SLC35F4: variants seen among roughly 807,000 people sequenced by gnomAD.
The protein encoded by SLC35F4 is solute carrier family 35 member F4, also known as chromosome 14 open reading frame 36.
In SLC35F4, 24 loss-of-function variants were observed where a neutral mutation model predicts 44.2. The observed-to-expected ratio is 0.54, with a 90% CI of 0.39 to 0.76. The LOEUF is 0.76. Among genes scored for constraint, SLC35F4 ranks in the 30% least tolerant of loss-of-function variants. The pLI is 0.00. For synonymous variants in SLC35F4, 238 were observed against 223.6 expected (o/e 1.06, Z -0.57); for missense variants, 562 against 586.1 (o/e 0.96, Z 0.42).
intron 1 of SLC35F4, among the ~76,000 whole-genome samples, chr14:57,755,192 C>G (rs2076968091): frequency 1.3e-5 from 2 of 152,300 alleles, no homozygotes; most frequent in South Asian, 4.1e-4. Context: ...GGACCCACCA[C>G]AGGGCTCGCT....
chr14:57,934,620 T>C (rs753227617), intron 1 of SLC35F4, among the ~76,000 whole-genome samples: 8 of 152,012 alleles, frequency 5.3e-5, no homozygotes, highest in Non-Finnish European at 1.0e-4. Flanking sequence ...AAAGGCTGCA[T>C]AGAGTCAGGC....
chr14:57,821,871 A>G (rs1387197552), intron 1 of SLC35F4, among the ~76,000 whole-genome samples: 1 of 152,224 alleles, frequency 6.6e-6, no homozygotes, highest in East Asian at 1.9e-4. Context: ...CAGGAAATCC[A>G]GAACAGTTGG....
intron 1 of SLC35F4, among the ~76,000 whole-genome samples, chr14:57,602,731 C>G (rs958634134): frequency 3.9e-5 from 6 of 152,132 alleles, no homozygotes; most frequent in African/African-American, 1.4e-4. Context: ...TTATACTTGT[C>G]AAGCACCTGT....
intron 1 of SLC35F4, among the ~76,000 whole-genome samples, chr14:57,897,809 C>A (rs1044801191): frequency 4.6e-5 from 7 of 152,142 alleles, no homozygotes. Context: ...ATGTAGCCCC[C>A]ACAAATGGTA....
intron 1 of SLC35F4, among the ~76,000 whole-genome samples, chr14:57,915,005 G>A (rs905544417): frequency 1.3e-5 from 2 of 152,148 alleles, no homozygotes; most frequent in Admixed American, 6.5e-5. Context: ...AAACCCAAGT[G>A]GAGGAAACCA....
intron 1 of SLC35F4, among the ~76,000 whole-genome samples, chr14:57,753,569 G>A (rs1019948604): frequency 2.0e-5 from 3 of 152,102 alleles, no homozygotes; most frequent in Non-Finnish European, 2.9e-5. Context: ...TAGACCAGAC[G>A]CAGGTGTTCC....
chr14:57,566,760 C>T (rs2068228275), intron 6 of SLC35F4, among the ~76,000 whole-genome samples, 196 bp from the exon 7 acceptor site: 1 of 152,212 alleles, frequency 6.6e-6, no homozygotes, highest in African/African-American at 2.4e-5. Flanking sequence ...GTCTGCCACT[C>T]TCTTTACCTG....
chr14:57,611,898 G>A (rs2071531741), intron 1 of SLC35F4, among the ~76,000 whole-genome samples: 1 of 152,314 alleles, frequency 6.6e-6, no homozygotes, highest in Non-Finnish European at 1.5e-5. Flanking sequence ...ACTGGACAAA[G>A]CATATGAGGC....
intron 1 of SLC35F4, among the ~76,000 whole-genome samples, chr14:57,971,714 G>A (rs73306413): frequency 0.098 from 14,879 of 152,170 alleles, 938 homozygotes; most frequent in African/African-American, 0.18. Flanking sequence ...AGCAGGAGTC[G>A]AATGGTGGTT....
At chr14:57,752,470 C>CTT (rs549841375) in intron 1 of SLC35F4, among the ~76,000 whole-genome samples, 35 of 145,642 alleles carry the variant, frequency 2.4e-4, no homozygotes, top group Non-Finnish European at 3.9e-4. Context: ...TCTTTTTTTT[C>CTT]TTTTTTTTTG....
chr14:57,733,268 G>C (rs575474905), intron 1 of SLC35F4, among the ~76,000 whole-genome samples: 1 of 150,242 alleles, frequency 6.7e-6, no homozygotes, highest in African/African-American at 2.5e-5. Context: ...ACAGAAATTC[G>C]ACTATGGATT....
At chr14:57,785,269 A>C (rs1157706996) in intron 1 of SLC35F4, among the ~76,000 whole-genome samples, 1 of 152,218 alleles carries the variant, frequency 6.6e-6, no homozygotes, top group Non-Finnish European at 1.5e-5. Context: ...CCCAGATGGC[A>C]GCTATGGTAT....
intron 1 of SLC35F4, among the ~76,000 whole-genome samples, chr14:57,730,017 C>T (rs1038685673): frequency 2.0e-5 from 3 of 152,192 alleles, no homozygotes; most frequent in African/African-American, 7.2e-5. Context: ...TAAAGTTCCC[C>T]AGTTCCTGTG....
At chr14:57,838,055 T>C (rs554214893) in intron 1 of SLC35F4, among the ~76,000 whole-genome samples, 2 of 152,196 alleles carry the variant, frequency 1.3e-5, no homozygotes, top group Non-Finnish European at 2.9e-5. Flanking sequence ...AGTACTATGC[T>C]TAATGCCGGT....
At chr14:57,955,555 G>T (rs1028072960) in intron 1 of SLC35F4, among the ~76,000 whole-genome samples, 1 of 152,094 alleles carries the variant, frequency 6.6e-6, no homozygotes, top group African/African-American at 2.4e-5. Flanking sequence ...CAACTCAGCC[G>T]AAAATCTCCT....
chr14:57,621,399 T>A (rs1416820546), intron 1 of SLC35F4, among the ~76,000 whole-genome samples: 2 of 151,916 alleles, frequency 1.3e-5, no homozygotes, highest in East Asian at 3.9e-4. Context: ...GAGGCAACAC[T>A]CTACCTGACT....
intron 1 of SLC35F4, among the ~76,000 whole-genome samples, chr14:57,885,331 G>A (rs1888623412): frequency 6.6e-6 from 1 of 152,140 alleles, no homozygotes; most frequent in East Asian, 1.9e-4. Flanking sequence ...CTGTTGCAAG[G>A]TATAAATAAG....
At chr14:57,780,662 A>G (rs565751440) in intron 1 of SLC35F4, among the ~76,000 whole-genome samples, 1 of 152,194 alleles carries the variant, frequency 6.6e-6, no homozygotes, top group Non-Finnish European at 1.5e-5. Context: ...AACAAGAGCC[A>G]TCACACTACT....
chr14:57,647,066 T>C (rs1322363608), intron 1 of SLC35F4, among the ~76,000 whole-genome samples: 1 of 152,144 alleles, frequency 6.6e-6, no homozygotes, highest in Non-Finnish European at 1.5e-5. Context: ...TTGGAATAGG[T>C]GTCATGTGGT....
Sources: gnomAD v4.1 joint callset for allele counts (sites outside exome capture counted in the v4.1 genomes callset) on GRCh38, gnomAD v4.1.1 for gene constraint, MANE v1.5 for transcripts, NCBI Gene and HGNC (gene_info 2026-07-23, HGNC 2026-07-21) for gene names.